The following SNX25 variants were observed in gnomAD, a reference collection of about 807,000 sequenced individuals.
The protein encoded by SNX25 is sorting nexin-25.
In SNX25, 62 loss-of-function variants were observed where a neutral mutation model predicts 113.7. The observed-to-expected ratio is 0.55, with a 90% CI of 0.44 to 0.67. SNX25 has a LOEUF of 0.67. Among genes scored for constraint, SNX25 ranks in the 30% least tolerant of loss-of-function variants. The pLI is 0.00. For missense variants in SNX25, 1,014 were observed against 1,161.0 expected (o/e 0.87, Z 1.84); for synonymous variants, 421 against 436.2 (o/e 0.97, Z 0.43).
upstream of SNX25, among the ~76,000 whole-genome samples, chr4:185,206,944 T>C (rs545082074): frequency 3.3e-5 from 5 of 152,276 alleles, no homozygotes; most frequent in East Asian, 5.8e-4. Flanking sequence ...TAGTGTAACC[T>C]GGAGTCTCAA....
At chr4:185,269,508 C>T (rs1300689623) in intron 5 of SNX25, among the ~76,000 whole-genome samples, 1 of 152,130 alleles carries the variant, frequency 6.6e-6, no homozygotes, top group African/African-American at 2.4e-5. Context: ...ACCAAATAGT[C>T]GTTCCACAGT....
chr4:185,339,331 A>G (rs760599314), intron 10 of SNX25, 48 bp from the exon 11 acceptor site: 8 of 1,578,914 alleles, frequency 5.1e-6, no homozygotes, highest in African/African-American at 2.7e-5. Flanking sequence ...GCTGAATTGC[A>G]TAGTTTTAAG....
chr4:185,240,722 G>C (rs543109143), intron 1 of SNX25, among the ~76,000 whole-genome samples: 1 of 152,002 alleles, frequency 6.6e-6, no homozygotes, highest in Non-Finnish European at 1.5e-5. Context: ...CCTCCCAGAC[G>C]GGGTGGCTGC....
intron 8 of SNX25, among the ~76,000 whole-genome samples, chr4:185,323,244 A>G (rs2095133705): frequency 6.6e-6 from 1 of 152,188 alleles, no homozygotes; most frequent in African/African-American, 2.4e-5. Flanking sequence ...ATGAAAAGGA[A>G]TCTATTGCAG....
rs566560832 is a variant in SNX25, at chr4:185,350,513, G to A, written c.2302-932G>A. Among the ~76,000 whole-genome samples, 107 of 152,222 alleles carry A rather than the reference G, an allele frequency of 7.0e-4. 1 individual carries two copies. In the Middle Eastern group the frequency reaches 0.014, roughly 19 times the overall value. On this transcript the variant is annotated intron_variant, in intron 13 of 18. Transcript: ENST00000652585. Reference sequence around the variant, plus strand: ...TATGTTCTTCTTTACTCTCTCCTAAGGTCAGGTAAGTACATACAGAACTTT... The same window carrying A: ...TATGTTCTTCTTTACTCTCTCCTAAAGTCAGGTAAGTACATACAGAACTTT...
At chr4:185,286,270 C>T (rs531658043) in intron 5 of SNX25, among the ~76,000 whole-genome samples, 6 of 152,232 alleles carry the variant, frequency 3.9e-5, no homozygotes, top group African/African-American at 1.4e-4. Flanking sequence ...CATGCATCAC[C>T]ACTCCCAGCC....
At chr4:185,212,619 A>T (rs1738128415) in intron 1 of SNX25, among the ~76,000 whole-genome samples, 1 of 151,550 alleles carries the variant, frequency 6.6e-6, no homozygotes, top group Non-Finnish European at 1.5e-5. Flanking sequence ...GGCTAGAATT[A>T]TCGGCGTGAG....
At chr4:185,335,973 G>A (rs552427026) in intron 10 of SNX25, among the ~76,000 whole-genome samples, 5 of 152,184 alleles carry the variant, frequency 3.3e-5, no homozygotes, top group Admixed American at 6.5e-5. Context: ...GAAGGAAAGA[G>A]CCCTTGCACA....
Position 185,220,727 on chromosome 4 carries a change from A to G in SNX25, c.429+10472A>G, listed in dbSNP as rs371145006. Among the ~76,000 whole-genome samples the G allele has an allele frequency of 2.9e-3, 442 of 151,904 alleles. 15 individuals are homozygous for G. In the South Asian group the frequency reaches 0.054, roughly 19 times the overall value. On this transcript the variant is annotated intron_variant, in intron 1 of 18. Transcript: ENST00000652585. The stretch of plus-strand genomic sequence containing the variant: ...GATCTCCTGACCTTGTGATCCGCCC[A>G]CCTCGGCCTCCCAAAGTGCTGGGAT...
At chr4:185,236,779 T>G (rs1267860692) in intron 1 of SNX25, among the ~76,000 whole-genome samples, 3 of 152,002 alleles carry the variant, frequency 2.0e-5, no homozygotes, top group Non-Finnish European at 4.4e-5. Context: ...ACTTGGTGTG[T>G]GTTAATTAAT....
intron 1 of SNX25, among the ~76,000 whole-genome samples, chr4:185,212,174 C>G (rs1414048668): frequency 1.3e-5 from 2 of 152,058 alleles, no homozygotes; most frequent in Non-Finnish European, 2.9e-5. Context: ...GCACAGGTTT[C>G]ACCATGTTGC....
At chr4:185,206,280 A>C (rs1440188962), upstream of SNX25, among the ~76,000 whole-genome samples, 1 of 152,218 alleles carries the variant, frequency 6.6e-6, no homozygotes, top group East Asian at 1.9e-4. Flanking sequence ...GATGAAGCAG[A>C]ATGTAGTAGA....
chr4:185,360,850 C>T (rs1349160457), intron 16 of SNX25, among the ~76,000 whole-genome samples: 1 of 151,568 alleles, frequency 6.6e-6, no homozygotes, highest in Non-Finnish European at 1.5e-5. Flanking sequence ...ACCCAGGAGG[C>T]AGAGGTTGCA....
intron 11 of SNX25, 60 bp downstream of exon 11, chr4:185,339,570 T>C: frequency 6.4e-7 from 1 of 1,565,848 alleles, no homozygotes. Context: ...TTAAAAAAGA[T>C]TTTATCCTGA....
chr4:185,272,834 G>A (rs553871496), intron 5 of SNX25, among the ~76,000 whole-genome samples: 1 of 152,256 alleles, frequency 6.6e-6, no homozygotes, highest in South Asian at 2.1e-4. Flanking sequence ...TTATTGCAAT[G>A]AACAAAGGGT....
intron 1 of SNX25, among the ~76,000 whole-genome samples, chr4:185,224,494 G>A (rs1364491995): frequency 5.5e-4 from 28 of 51,046 alleles, no homozygotes; most frequent in Non-Finnish European, 1.0e-3. Flanking sequence ...TATATAAATA[G>A]ATATATAAAT....
intron 1 of SNX25, among the ~76,000 whole-genome samples, chr4:185,216,315 GAA>G (rs1738804962): frequency 2.6e-4 from 40 of 152,038 alleles, no homozygotes; most frequent in Non-Finnish European, 5.0e-4. Context: ...ATTGGTATGT[GAA>G]CAGTGATTAC....
chr4:185,336,147 T>C (rs1472360762), intron 10 of SNX25, among the ~76,000 whole-genome samples: 1 of 152,206 alleles, frequency 6.6e-6, no homozygotes, highest in African/African-American at 2.4e-5. Flanking sequence ...TATAACAACA[T>C]TTACCATTTT....
intron 4 of SNX25, 113 bp from the exon 5 acceptor site, chr4:185,266,854 CCT>C (rs35770217): frequency 0.44 from 424,834 of 975,916 alleles, 92,682 homozygotes; most frequent in East Asian, 0.59. Flanking sequence ...TAGATATTCC[CCT>C]GTTTGACTAC....
Sources: gnomAD v4.1 joint callset for allele counts (sites outside exome capture counted in the v4.1 genomes callset) on GRCh38, gnomAD v4.1.1 for gene constraint, MANE v1.5 for transcripts, NCBI Gene and HGNC (gene_info 2026-07-23, HGNC 2026-07-21) for gene names.